Variants in XKR9 observed in about 807,000 individuals in gnomAD.
XKR9 encodes the protein XK related 9.
In XKR9, 32 loss-of-function variants were observed where a neutral mutation model predicts 32.0. The observed-to-expected ratio is 1.00, with a 90% CI of 0.76 to 1.34. The LOEUF (loss-of-function observed/expected upper bound fraction) is 1.34, where lower values mean the gene tolerates loss of function less well. Ranked by LOEUF, XKR9 falls within the 40% of genes most tolerant of loss-of-function variation. The pLI is 0.00. For synonymous variants in XKR9, 168 were observed against 143.4 expected, an observed-to-expected ratio of 1.17 and a Z score of -1.22; for missense variants, 546 against 429.7, an observed-to-expected ratio of 1.27 and a Z score of -2.39.
At chr8:70,731,729 G>T (rs754591798) in intron 4 of XKR9, among the ~76,000 whole-genome samples, 1 of 152,102 alleles carries the variant, frequency 6.6e-6, no homozygotes, top group Non-Finnish European at 1.5e-5. Flanking sequence ...GGTGAAGAGT[G>T]GATAGTCACC....
At chr8:70,772,467 G>A (rs931125999) in intron 2 of XKR9, among the ~76,000 whole-genome samples, 1 of 152,164 alleles carries the variant, frequency 6.6e-6, no homozygotes, top group Non-Finnish European at 1.5e-5. Flanking sequence ...AGCAGTTGGG[G>A]GAGAAGTAGA....
the XKR9 span, among the ~76,000 whole-genome samples, chr8:70,804,255 G>C: frequency 6.6e-6 from 1 of 152,242 alleles, no homozygotes; most frequent in African/African-American, 2.4e-5. Flanking sequence ...CACCTGCCCT[G>C]CTGTTTGGGT....
chr8:70,940,172 A>T, the XKR9 span, among the ~76,000 whole-genome samples: 1 of 151,802 alleles, frequency 6.6e-6, no homozygotes, highest in Non-Finnish European at 1.5e-5. Context: ...TTTCCTCCTT[A>T]CCCCCACTTC....
the XKR9 span, among the ~76,000 whole-genome samples, chr8:70,950,474 G>T: frequency 1.6e-4 from 25 of 152,214 alleles, no homozygotes; most frequent in African/African-American, 5.5e-4. Context: ...TCTGGGCAGA[G>T]CATGGTGAGT....
the XKR9 span, among the ~76,000 whole-genome samples, chr8:70,873,937 T>C: frequency 6.6e-6 from 1 of 152,180 alleles, no homozygotes; most frequent in South Asian, 2.1e-4. Flanking sequence ...TGCCACATCA[T>C]CCCAATCTCC....
chr8:70,765,227 T>C (rs1251186344), intron 2 of XKR9, among the ~76,000 whole-genome samples: 1 of 152,222 alleles, frequency 6.6e-6, no homozygotes, highest in African/African-American at 2.4e-5. Flanking sequence ...AAAGCGTACC[T>C]ATTTCTCCAC....
chr8:70,896,505 A>T, the XKR9 span, among the ~76,000 whole-genome samples: 2 of 149,720 alleles, frequency 1.3e-5, no homozygotes, highest in African/African-American at 4.9e-5. Context: ...TATCCTTTTA[A>T]TGTATATGGG....
chr8:70,902,485 A>G, the XKR9 span, among the ~76,000 whole-genome samples: 1 of 152,058 alleles, frequency 6.6e-6, no homozygotes, highest in Non-Finnish European at 1.5e-5. Context: ...AATGCTTGTG[A>G]TTTTTGCACA....
At chr8:70,842,929 A>G in the XKR9 span, among the ~76,000 whole-genome samples, 1 of 152,274 alleles carries the variant, frequency 6.6e-6, no homozygotes, top group Non-Finnish European at 1.5e-5. Context: ...TTTGGACTGA[A>G]GAAGGAGAGA....
At chr8:70,912,609 A>T in the XKR9 span, among the ~76,000 whole-genome samples, 1 of 152,188 alleles carries the variant, frequency 6.6e-6, no homozygotes, top group Non-Finnish European at 1.5e-5. Flanking sequence ...TTTTCAAGGC[A>T]TAGTTAAATG....
chr8:70,915,829 G>A, the XKR9 span, among the ~76,000 whole-genome samples: 1 of 152,266 alleles, frequency 6.6e-6, no homozygotes, highest in Admixed American at 6.5e-5. Context: ...TTGTGGAGGA[G>A]ACTTGCATCT....
At chr8:70,778,192 A>G (rs545899618) in intron 2 of XKR9, among the ~76,000 whole-genome samples, 166 of 152,288 alleles carry the variant, frequency 1.1e-3, no homozygotes, top group Non-Finnish European at 1.9e-3. Context: ...TTTTCCATTT[A>G]TTAAATAGGG....
the XKR9 span, among the ~76,000 whole-genome samples, chr8:71,050,093 C>T: frequency 5.3e-5 from 8 of 151,592 alleles, no homozygotes; most frequent in Admixed American, 5.3e-4. Flanking sequence ...TGTTCTCTGG[C>T]TGTGTGACCT....
At chr8:70,948,242 T>G in the XKR9 span, among the ~76,000 whole-genome samples, 2 of 152,062 alleles carry the variant, frequency 1.3e-5, no homozygotes, top group Non-Finnish European at 2.9e-5. Flanking sequence ...GAATTCTGAG[T>G]GATGTATTTC....
intron 4 of XKR9, among the ~76,000 whole-genome samples, chr8:70,724,119 AG>A (rs1332745010): frequency 1.3e-5 from 2 of 151,762 alleles, no homozygotes; most frequent in African/African-American, 4.8e-5. Flanking sequence ...CTCTGGCCAC[AG>A]CCATTTTGCT....
chr8:70,768,059 G>T (rs190522042), intron 2 of XKR9, among the ~76,000 whole-genome samples: 1 of 151,956 alleles, frequency 6.6e-6, no homozygotes, highest in East Asian at 1.9e-4. Context: ...TGTGAGCATT[G>T]TGCTATAAAT....
the XKR9 span, among the ~76,000 whole-genome samples, chr8:71,032,281 CA>C: frequency 0.43 from 31,357 of 72,210 alleles, 4,438 homozygotes; most frequent in Middle Eastern, 0.59. Context: ...GAGACTCTGT[CA>C]AAAAAAAAAA....
chr8:70,811,381 C>G, the XKR9 span, among the ~76,000 whole-genome samples: 1 of 152,102 alleles, frequency 6.6e-6, no homozygotes, highest in Non-Finnish European at 1.5e-5. Context: ...ATTAAAAGAA[C>G]TAGAGAAGCA....
At chr8:70,774,387 C>T (rs1476654416) in intron 2 of XKR9, among the ~76,000 whole-genome samples, 2 of 152,110 alleles carry the variant, frequency 1.3e-5, no homozygotes, top group East Asian at 1.9e-4. Context: ...CTCCCATCCA[C>T]TCACCTCAGC....
Sources: allele counts gnomAD v4.1 joint callset (sites outside exome capture counted in the v4.1 genomes callset), GRCh38; gene constraint gnomAD v4.1.1; transcripts MANE v1.5; gene names NCBI Gene and HGNC (gene_info 2026-07-23, HGNC 2026-07-21).